Variants in NAA15 observed in about 807,000 individuals in gnomAD.
The protein encoded by NAA15 is N-alpha-acetyltransferase 15, NatA auxiliary subunit, also known as N-terminal acetyltransferase.
A neutral mutation model predicts 114.0 loss-of-function variants in NAA15; 34 were observed. The ratio of observed to expected loss-of-function variants is 0.30; its 90% CI spans 0.23 to 0.40. NAA15 has a LOEUF of 0.40. Ranked by LOEUF, NAA15 falls within the 10% of genes least tolerant of loss-of-function variation. The pLI is 1.00. For synonymous variants in NAA15, 340 were observed against 338.0 expected, an observed-to-expected ratio of 1.01 and a Z score of -0.06; for missense variants, 658 against 1,004.5, an observed-to-expected ratio of 0.66 and a Z score of 4.66.
chr4:139,313,669 C>T (rs1041610876), intron 1 of NAA15, among the ~76,000 whole-genome samples: 2 of 151,434 alleles, frequency 1.3e-5, no homozygotes, highest in Non-Finnish European at 2.9e-5. Context: ...CTCAGCCTCC[C>T]GAGTAGCTGG....
chr4:139,357,502 G>A lies in NAA15; in HGVS notation c.1204G>A (p.Glu402Lys), dbSNP rs756964973. 6.2e-7 allele frequency: 1 copy of A among 1,611,716 alleles called. No homozygotes were observed. Among genetic ancestry groups the A allele is most frequent in the South Asian group, 1.1e-5 (1 of 90,994 alleles). ...IALEYINTAI[E>K]STPTLIELFL... The stretch of plus-strand genomic sequence containing the variant: ...TTTGGAGTACATAAATACTGCTATT[G>A]AAAGTACACCTACATTAATAGAACT... Residue 402 changes from glutamate to lysine, a missense_variant, in exon 11 of 20, where the codon GAA becomes AAA. Glu to Lys is a moderately conservative substitution (Grantham distance 56, BLOSUM62 1). Transcript: ENST00000296543.
intron 1 of NAA15, among the ~76,000 whole-genome samples, chr4:139,333,185 A>G (rs933994695): frequency 6.6e-6 from 1 of 151,906 alleles, no homozygotes; most frequent in Non-Finnish European, 1.5e-5. Flanking sequence ...TTCTATCTGT[A>G]GTTAGCAGAA....
At chr4:139,360,945 T>C (rs979490944) in intron 13 of NAA15, among the ~76,000 whole-genome samples, 10 of 152,136 alleles carry the variant, frequency 6.6e-5, no homozygotes, top group Non-Finnish European at 8.8e-5. Context: ...AAAGTACTCC[T>C]AGGACCCTGT....
intron 17 of NAA15, among the ~76,000 whole-genome samples, chr4:139,382,643 T>C (rs1748786046): frequency 6.6e-6 from 1 of 152,140 alleles, no homozygotes; most frequent in Admixed American, 6.5e-5. Flanking sequence ...TAATAACTTT[T>C]TTCTGTTTCC....
intron 1 of NAA15, among the ~76,000 whole-genome samples, chr4:139,322,532 C>T (rs1265540541): frequency 6.6e-6 from 1 of 152,164 alleles, no homozygotes; most frequent in South Asian, 2.1e-4. Flanking sequence ...CAGTCTTTAA[C>T]GTAGTCTCTT....
chr4:139,385,052 T>G (rs1291247699), intron 18 of NAA15, 74 bp downstream of exon 18: 2 of 1,248,482 alleles, frequency 1.6e-6, no homozygotes, highest in African/African-American at 3.1e-5. Flanking sequence ...TAATATAAGG[T>G]ACATGTTTTT....
intron 14 of NAA15, among the ~76,000 whole-genome samples, chr4:139,369,927 C>T (rs949650712): frequency 6.6e-6 from 1 of 152,038 alleles, no homozygotes; most frequent in African/African-American, 2.4e-5. Context: ...ACCTCAGCCT[C>T]CTGAGTAGCA....
Position 139,370,280 on chromosome 4 carries a change from TAGA to T in NAA15, c.1830_1832del (p.Glu611del), listed in dbSNP as rs1352977743. 5 of 1,588,370 alleles carry T rather than the reference TAGA, an allele frequency of 3.1e-6. No homozygotes were observed. The highest frequency in any genetic ancestry group is 4.3e-6 in the Non-Finnish European group (5 of 1,168,386). On this transcript the variant is annotated inframe_deletion, in exon 15 of 20. Transcript: ENST00000296543. ...AGAAGAGCTCAAAAGAAAGCCCAGATAGAAGAAGAGAAAAAAAATGCAGAAAAA... is the reference window on the plus strand; with the variant it reads ...AGAAGAGCTCAAAAGAAAGCCCAGATAGAAGAGAAAAAAAATGCAGAAAAA...
intron 17 of NAA15, 21 bp downstream of exon 17, chr4:139,378,875 A>G (rs73854526): frequency 2.8e-6 from 4 of 1,437,344 alleles, no homozygotes; most frequent in Middle Eastern, 1.8e-4. Flanking sequence ...GTTTTCCATT[A>G]CTTAAGTATT....
At chr4:139,343,090 G>T (rs1396510703) in intron 5 of NAA15, 130 bp downstream of exon 5, 2 of 754,026 alleles carry the variant, frequency 2.7e-6, no homozygotes, top group Non-Finnish European at 4.3e-6. Flanking sequence ...ATAGCACAAA[G>T]AACTCTACAT....
At chr4:139,347,037 G>C (rs191549125) in intron 6 of NAA15, among the ~76,000 whole-genome samples, 2 of 150,710 alleles carry the variant, frequency 1.3e-5, no homozygotes, top group South Asian at 4.3e-4. Context: ...CCCACCCCCA[G>C]CCTCCCACTA....
intron 17 of NAA15, chr4:139,379,237 G>C (rs1043754269): frequency 6.5e-6 from 1 of 155,000 alleles, no homozygotes; most frequent in Non-Finnish European, 1.4e-5. Flanking sequence ...ATCTGAATTT[G>C]CATGAATTAT....
Position 139,390,725 on chromosome 4 carries a change from A to G in NAA15, c.*2641A>G, listed in dbSNP as rs770785054. 11 of 152,240 alleles carry G rather than the reference A, an allele frequency of 7.2e-5. No individual in the cohort carries two copies. Among genetic ancestry groups the G allele is most frequent in the Non-Finnish European group, 1.0e-4 (7 of 68,038 alleles). 9.4% of individuals were successfully genotyped at this position (152,240 alleles called of 1,614,324 possible). ...CTTTAATTAGATAGTTGAGTCATAT[A>G]TTTTCAACATTTTTCTGTATCGTAT... is the stretch of plus-strand genomic sequence containing the variant. On this transcript the variant is annotated 3_prime_UTR_variant, in exon 20 of 20. Coordinates refer to ENST00000296543, the MANE Select transcript of NAA15 (RefSeq NM_057175.5).
intron 1 of NAA15, chr4:139,302,675 G>A (rs1177776891): frequency 6.6e-6 from 1 of 152,238 alleles, no homozygotes; most frequent in Admixed American, 6.5e-5. Flanking sequence ...ACTTACCAGA[G>A]AAATGAGAAT....
rs751688160 is a variant in NAA15, at chr4:139,341,593, C to CAAAAA, written c.402+546_402+550dup. ...TGGGTAACAGAGCGAAACTCTGTCT[C>CAAAAA]AAAAAAAAAAAAAAAAAAAAAAAAA... On this transcript the variant is annotated intron_variant, in intron 4 of 19. Transcript: ENST00000296543. Among the ~76,000 whole-genome samples, 96 of 14,424 alleles carry CAAAAA rather than the reference C, an allele frequency of 6.7e-3. 13 individuals are homozygous for CAAAAA. The highest frequency in any genetic ancestry group is 9.3e-3 in the Non-Finnish European group (69 of 7,426). The allele number at this position is 14,424 out of a possible 152,430, so 9.5% of individuals were successfully genotyped here.
intron 1 of NAA15, among the ~76,000 whole-genome samples, chr4:139,328,573 C>CTTTTTTT (rs56025831): frequency 7.6e-6 from 1 of 132,416 alleles, no homozygotes. Flanking sequence ...TCTTTCTTTT[C>CTTTTTTT]TTTTTTTTTT....
rs2110935003 is a variant in NAA15, at chr4:139,351,503, A to G, written c.908-2A>G. On this transcript the variant is annotated splice_acceptor_variant, in intron 8 of 19. Coordinates refer to ENST00000296543, the MANE Select transcript of NAA15 (RefSeq NM_057175.5). LOFTEE classifies it high-confidence loss of function. ...AAGCGAAAAGGATTTTTCTCTTCCA[A>G]GGTGAGAAGTTTAAAGAATGTTTGG... The G allele has an allele frequency of 6.4e-7, 1 of 1,555,684 alleles. No homozygotes were observed. The highest frequency in any genetic ancestry group is 8.8e-7 in the Non-Finnish European group (1 of 1,129,986).
chr4:139,351,781 C>T (rs1747786580), intron 9 of NAA15, among the ~76,000 whole-genome samples, 170 bp downstream of exon 9: 1 of 151,944 alleles, frequency 6.6e-6, no homozygotes, highest in African/African-American at 2.4e-5. Context: ...ATTTCATCCT[C>T]TTTTTTTTCT....
intron 19 of NAA15, chr4:139,386,632 A>G (rs986966320): frequency 3.3e-5 from 5 of 153,794 alleles, no homozygotes; most frequent in African/African-American, 1.2e-4. Flanking sequence ...TGAGTTCGAG[A>G]CAAGCCAGGG....
Sources: allele counts gnomAD v4.1 joint callset (sites outside exome capture counted in the v4.1 genomes callset), GRCh38; gene constraint gnomAD v4.1.1; transcripts MANE v1.5; gene names NCBI Gene and HGNC (gene_info 2026-07-23, HGNC 2026-07-21).